LRRC4C: variants seen among roughly 807,000 people sequenced by gnomAD.
LRRC4C encodes leucine-rich repeat-containing protein 4C.
LRRC4C carries 5 observed loss-of-function variants against 33.6 expected under a neutral mutation model. The observed-to-expected ratio is 0.15, with a 90% CI of 0.08 to 0.31. The LOEUF is 0.31. Ranked by LOEUF, LRRC4C falls within the 10% of genes least tolerant of loss-of-function variation. LRRC4C has a pLI of 1.00. For missense variants in LRRC4C, 560 were observed against 796.7 expected (o/e 0.70, Z 3.58); for synonymous variants, 329 against 302.0 (o/e 1.09, Z -0.93).
rs562547866 is a variant in LRRC4C at position 40,749,901 on chromosome 11, C to T, written c.-406-101623G>A. 5.3e-5 allele frequency among the ~76,000 whole-genome samples: 8 copies of T among 152,074 alleles called. No homozygotes were observed. In the South Asian group the frequency reaches 1.7e-3, roughly 32 times the overall value. The stretch of plus-strand genomic sequence containing the variant: ...AAAACCTATAAAAAATTAATAAATT[C>T]CTGGAAATACACAATCTACCAACCT... On this transcript the variant is annotated intron_variant, in intron 2 of 6. Coordinates refer to ENST00000528697, the MANE Select transcript of LRRC4C (RefSeq NM_001258419.2).
At chr11:40,737,026 C>G (rs1226803272) in intron 2 of LRRC4C, among the ~76,000 whole-genome samples, 1 of 152,022 alleles carries the variant, frequency 6.6e-6, no homozygotes, top group Non-Finnish European at 1.5e-5. Flanking sequence ...TCAATTTTGG[C>G]TTTGGTTGCC....
intron 1 of LRRC4C, among the ~76,000 whole-genome samples, chr11:40,949,828 C>A (rs1433524369): frequency 1.3e-4 from 19 of 150,030 alleles, no homozygotes; most frequent in South Asian, 1.1e-3. Flanking sequence ...AAATAACCAG[C>A]TAACATCATA....
intron 2 of LRRC4C, among the ~76,000 whole-genome samples, chr11:40,838,540 T>C (rs187319104): frequency 6.6e-6 from 1 of 152,262 alleles, no homozygotes; most frequent in Admixed American, 6.5e-5. Flanking sequence ...ATGAATTACT[T>C]TCTGTGTACT....
intron 4 of LRRC4C, among the ~76,000 whole-genome samples, chr11:40,258,386 G>T (rs1471177893): frequency 6.6e-6 from 1 of 152,082 alleles, no homozygotes; most frequent in African/African-American, 2.4e-5. Context: ...TATTTGGAGG[G>T]TGATAATTAT....
At chr11:40,489,102 A>G (rs1954016705) in intron 3 of LRRC4C, among the ~76,000 whole-genome samples, 1 of 151,896 alleles carries the variant, frequency 6.6e-6, no homozygotes, top group Admixed American at 6.6e-5. Context: ...GGTCCTGTCT[A>G]TTTTTCCCCT....
At chr11:40,747,582 T>G (rs1948490028) in intron 2 of LRRC4C, among the ~76,000 whole-genome samples, 1 of 151,878 alleles carries the variant, frequency 6.6e-6, no homozygotes, top group African/African-American at 2.4e-5. Flanking sequence ...ATTTATAAGA[T>G]TCTAGAAAAA....
intron 3 of LRRC4C, among the ~76,000 whole-genome samples, chr11:40,373,563 G>A (rs183731519): frequency 1.2e-3 from 183 of 152,224 alleles, no homozygotes; most frequent in African/African-American, 4.3e-3. Flanking sequence ...TATTGATATA[G>A]TTTGGATGTT....
intron 3 of LRRC4C, among the ~76,000 whole-genome samples, chr11:40,468,692 A>G (rs1438351333): frequency 6.6e-6 from 1 of 152,202 alleles, no homozygotes; most frequent in Non-Finnish European, 1.5e-5. Context: ...ATATGTTTAT[A>G]TAAATGCACC....
chr11:40,573,083 A>G (rs1320458689), intron 3 of LRRC4C, among the ~76,000 whole-genome samples: 3 of 152,198 alleles, frequency 2.0e-5, no homozygotes, highest in African/African-American at 7.2e-5. Flanking sequence ...AAAGGTGACT[A>G]TTATTGCTCT....
chr11:40,971,508 T>C (rs563337942), intron 1 of LRRC4C, among the ~76,000 whole-genome samples: 4 of 152,258 alleles, frequency 2.6e-5, no homozygotes, highest in African/African-American at 9.6e-5. Flanking sequence ...TGGAAAAGCA[T>C]GGATGTCCAT....
chr11:41,450,963 C>T (rs563007455), intron 1 of LRRC4C, among the ~76,000 whole-genome samples: 28 of 152,190 alleles, frequency 1.8e-4, no homozygotes, highest in South Asian at 1.5e-3. Context: ...CTGAGTTTTA[C>T]GTGCTGACTT....
chr11:41,437,414 C>A (rs536081817), intron 1 of LRRC4C, among the ~76,000 whole-genome samples: 1 of 137,722 alleles, frequency 7.3e-6, no homozygotes, highest in Non-Finnish European at 1.7e-5. Context: ...CACACAAACG[C>A]GCGCGCGCGC....
chr11:40,935,034 G>A (rs150574819), intron 1 of LRRC4C, among the ~76,000 whole-genome samples: 2,243 of 152,086 alleles, frequency 0.015, 57 homozygotes, highest in African/African-American at 0.052. Context: ...ACTTATTACC[G>A]TCTAGCATAC....
intron 5 of LRRC4C, among the ~76,000 whole-genome samples, chr11:40,162,641 G>A (rs999264213): frequency 2.0e-5 from 3 of 152,208 alleles, no homozygotes; most frequent in Non-Finnish European, 4.4e-5. Context: ...GTGTTCATCC[G>A]CTTGTTTCCT....
At chr11:40,586,448 T>G (rs1958749397) in intron 3 of LRRC4C, among the ~76,000 whole-genome samples, 1 of 148,834 alleles carries the variant, frequency 6.7e-6, no homozygotes, top group African/African-American at 2.5e-5. Context: ...GATGGTAGTT[T>G]CTTTTGCTGT....
chr11:40,412,306 T>C (rs1207655968), intron 3 of LRRC4C, among the ~76,000 whole-genome samples: 5 of 152,074 alleles, frequency 3.3e-5, no homozygotes, highest in Non-Finnish European at 7.4e-5. Flanking sequence ...ACATTCAGAC[T>C]CCTGTAATTC....
chr11:40,665,350 A>G (rs1591410781), intron 2 of LRRC4C, among the ~76,000 whole-genome samples: 4 of 19,770 alleles, frequency 2.0e-4, no homozygotes, highest in Non-Finnish European at 2.1e-4. Context: ...ATATATATAT[A>G]TATATATATA....
chr11:40,173,412 A>G (rs1313892862), intron 5 of LRRC4C, among the ~76,000 whole-genome samples: 2 of 152,222 alleles, frequency 1.3e-5, no homozygotes, highest in Non-Finnish European at 2.9e-5. Context: ...TGCTAGACAG[A>G]GAAATTGATG....
chr11:40,883,295 C>G (rs563716408), intron 2 of LRRC4C, among the ~76,000 whole-genome samples: 14 of 152,102 alleles, frequency 9.2e-5, no homozygotes, highest in African/African-American at 2.2e-4. Flanking sequence ...TGCCTGCCCC[C>G]CTATAGTCAA....
Sources: gnomAD v4.1 joint callset for allele counts (sites outside exome capture counted in the v4.1 genomes callset) on GRCh38, gnomAD v4.1.1 for gene constraint, MANE v1.5 for transcripts, NCBI Gene and HGNC (gene_info 2026-07-23, HGNC 2026-07-21) for gene names.